TCF7: variants seen among roughly 807,000 people sequenced by gnomAD.
TCF7 encodes the protein transcription factor 7, also known as T-cell-factor-7.
Under a neutral mutation model 46.8 loss-of-function variants are expected in TCF7, and 19 were observed. The ratio of observed to expected loss-of-function variants is 0.41; its 90% confidence interval spans 0.28 to 0.60. The LOEUF (loss-of-function observed/expected upper bound fraction) is 0.60, where lower values mean the gene tolerates loss of function less well. Ranked by LOEUF, TCF7 falls within the 20% of genes least tolerant of loss-of-function variation. The pLI is 0.35. For synonymous variants in TCF7, 245 were observed against 213.4 expected, an observed-to-expected ratio of 1.15 and a Z score of -1.29; for missense variants, 547 against 504.6, an observed-to-expected ratio of 1.08 and a Z score of -0.81.
At chr5:134,135,175 G>A (rs1350221067) in intron 3 of TCF7, among the ~76,000 whole-genome samples, 6 of 152,142 alleles carry the variant, frequency 3.9e-5, no homozygotes, top group African/African-American at 1.4e-4. Flanking sequence ...GCCCAGGCTG[G>A]TCTTGAACTC....
chr5:134,121,517 A>G (rs1237016631), intron 3 of TCF7, among the ~76,000 whole-genome samples: 3 of 147,566 alleles, frequency 2.0e-5, no homozygotes, highest in African/African-American at 7.6e-5. Context: ...TGAACCCGGG[A>G]GGTGGAGGTT....
upstream of TCF7, among the ~76,000 whole-genome samples, chr5:134,111,937 A>C (rs55979988): frequency 0.02 from 2,972 of 152,282 alleles, 98 homozygotes; most frequent in African/African-American, 0.065. Flanking sequence ...ACGAGTCCCT[A>C]TGTCACAGGG....
intron 4 of TCF7, 106 bp from the exon 5 acceptor site, chr5:134,138,845 G>C: frequency 1.3e-6 from 2 of 1,515,024 alleles, no homozygotes; most frequent in Non-Finnish European, 1.8e-6. Flanking sequence ...CTCTAGCAAA[G>C]CTGGTGGGAT....
chr5:134,137,267 T>G (rs564068722), intron 3 of TCF7, among the ~76,000 whole-genome samples: 1 of 151,770 alleles, frequency 6.6e-6, no homozygotes, highest in South Asian at 2.1e-4. Context: ...CTACTAAAAA[T>G]ACAAAAATTA....
chr5:134,142,328 AGG>A, intron 6 of TCF7, 24 bp downstream of exon 6: 1 of 1,560,718 alleles, frequency 6.4e-7, no homozygotes, highest in Non-Finnish European at 8.7e-7. Context: ...CAATGATGGC[AGG>A]GGGTGTGTCA....
chr5:134,125,571 GGCT>G (rs1442377940), intron 3 of TCF7, among the ~76,000 whole-genome samples: 1 of 152,266 alleles, frequency 6.6e-6, no homozygotes, highest in Non-Finnish European at 1.5e-5. Context: ...GCCAGGAGGA[GGCT>G]GCTGAGGGTG....
chr5:134,139,002 C>T lies in TCF7; in HGVS notation c.599C>T (p.Ser200Leu). ...PDLSGFYSLT[S>L]GSMGQLPHTV... is the part of the protein sequence containing the mutation. ...CTCTCTGGCTTCTACTCCCTGACCT[C>T]AGGCAGCATGGGGCAGCTCCCCCAC... The change falls in exon 5 of 10, where the codon TCA becomes TTA. Residue 200 changes from serine to leucine, a missense_variant. Ser to Leu is a moderately radical substitution (Grantham distance 145). Around this residue, in one of 3 missense-constraint regions of TCF7, gnomAD observed 425 missense variants for 349.9 expected, o/e 1.21. Coordinates refer to ENST00000342854, the MANE Select transcript of TCF7 (RefSeq NM_003202.5). 6.2e-7 allele frequency: 1 copy of T among 1,614,006 alleles called. No individual in the cohort carries two copies. Among genetic ancestry groups the T allele is most frequent in the Non-Finnish European group, 8.5e-7 (1 of 1,180,014 alleles).
Position 134,141,496 on chromosome 5 carries a change from C to T in TCF7, c.636-689C>T, listed in dbSNP as rs531211939. On this transcript the variant is annotated intron_variant, in intron 5 of 9. Transcript: ENST00000342854. ...AGTATAGCAAGTGTAGACATGGCAC[C>T]GGCAGCTTAATGGGCCAGCTGAGTG... 3.3e-5 allele frequency: 5 copies of T among 152,412 alleles called. No individual in the cohort carries two copies. The South Asian group carries it at 6.2e-4, about 19-fold the overall frequency. The allele number at this position is 152,412 out of a possible 1,614,324, so 9.4% of individuals were successfully genotyped here. A position where few individuals can be genotyped will look rare whatever the true frequency, so the allele number is the denominator to read the frequency against.
intron 3 of TCF7, among the ~76,000 whole-genome samples, chr5:134,131,257 C>T (rs200711076): frequency 1.3e-3 from 193 of 152,308 alleles, no homozygotes; most frequent in African/African-American, 4.5e-3. Context: ...TGTGGGGCCA[C>T]GACTGACTTT....
intron 2 of TCF7, 30 bp downstream of exon 2, chr5:134,115,417 C>A: frequency 6.3e-7 from 1 of 1,578,560 alleles, no homozygotes; most frequent in Non-Finnish European, 8.6e-7. Flanking sequence ...GGCTTCCCTT[C>A]GTCGCGCTCA....
rs192596872 is a variant in TCF7 at position 134,142,683 on chromosome 5, C to T, written c.756-38C>T. 53 of 1,607,818 alleles carry T rather than the reference C, an allele frequency of 3.3e-5. No individual in the cohort carries two copies. In the Admixed American group the frequency reaches 4.9e-4, roughly 15 times the overall value. ...AGGAGGCTGCAATTAGGTGGGCACTCGGGGGGCTCCTGAACAATCTGGATT... is the reference window on the plus strand; with the variant it reads ...AGGAGGCTGCAATTAGGTGGGCACTTGGGGGGCTCCTGAACAATCTGGATT... On this transcript the variant is annotated intron_variant, in intron 6 of 9. Coordinates refer to ENST00000342854, the MANE Select transcript of TCF7 (RefSeq NM_003202.5).
intron 3 of TCF7, among the ~76,000 whole-genome samples, chr5:134,128,510 T>A (rs1757656440): frequency 6.6e-6 from 1 of 151,838 alleles, no homozygotes; most frequent in South Asian, 2.1e-4. Context: ...GAGTGAGCGC[T>A]TCATGACCGT....
chr5:134,127,340 A>G (rs929831499), intron 3 of TCF7, among the ~76,000 whole-genome samples: 2 of 152,250 alleles, frequency 1.3e-5, no homozygotes, highest in Admixed American at 6.5e-5. Context: ...GCAGGTGCCC[A>G]GGGCTTCTAG....
intron 3 of TCF7, among the ~76,000 whole-genome samples, chr5:134,127,467 T>A (rs1440833727): frequency 1.3e-5 from 2 of 152,246 alleles, no homozygotes; most frequent in African/African-American, 4.8e-5. Context: ...CTTTCTAGTG[T>A]TGGTCCTGAT....
intron 3 of TCF7, among the ~76,000 whole-genome samples, chr5:134,135,133 T>A (rs1158072424): frequency 6.6e-6 from 1 of 152,190 alleles, no homozygotes; most frequent in African/African-American, 2.4e-5. Context: ...ATTTTTATTT[T>A]ATTTTTAGTA....
chr5:134,116,233 C>T, intron 3 of TCF7, 200 bp downstream of exon 3: 1 of 1,243,726 alleles, frequency 8.0e-7, no homozygotes, highest in African/African-American at 1.5e-5. Context: ...GGGGCACCCC[C>T]CTGCCCTCTG....
chr5:134,115,109 T>G lies in TCF7; in HGVS notation c.203T>G (p.Ile68Ser). 1 of 1,023,350 alleles carries G rather than the reference T, an allele frequency of 9.8e-7. No individual in the cohort carries two copies. Among genetic ancestry groups the G allele is most frequent in the South Asian group, 4.1e-5 (1 of 24,208 alleles). 63.4% of individuals were successfully genotyped at this position (1,023,350 alleles called of 1,614,324 possible). ...GAGGGCGCGGCCGGCGGCGCAGGGA[T>G]CCCGGGGGTCCCGGGGGCCGGCGCC... ...ESEGAAGGAGIPGVPGAGAGA... is the reference protein window; with the variant it reads ...ESEGAAGGAGSPGVPGAGAGA... Residue 68 changes from isoleucine (I) to serine (S), a missense_variant, in exon 1 of 10, where the codon ATC (isoleucine) becomes AGC (serine). Physicochemically the swap from Ile to Ser is moderately radical, Grantham distance 142. Transcript: ENST00000342854.
At chr5:134,113,365 G>A (rs1459073994), upstream of TCF7, among the ~76,000 whole-genome samples, 1 of 152,224 alleles carries the variant, frequency 6.6e-6, no homozygotes, top group Non-Finnish European at 1.5e-5. Flanking sequence ...GGCGGGCACA[G>A]ATAGGATCTG....
At chr5:134,124,916 C>T (rs1251084132) in intron 3 of TCF7, among the ~76,000 whole-genome samples, 1 of 152,194 alleles carries the variant, frequency 6.6e-6, no homozygotes, top group East Asian at 1.9e-4. Flanking sequence ...CCCAGGAAAC[C>T]CAGTTTTCCC....
Sources: allele counts gnomAD v4.1 joint callset (sites outside exome capture counted in the v4.1 genomes callset), GRCh38; gene constraint gnomAD v4.1.1; regional missense constraint gnomAD v4.1.1; transcripts MANE v1.5; gene names NCBI Gene and HGNC (gene_info 2026-07-23, HGNC 2026-07-21).